MYO7B: variants seen among roughly 807,000 people sequenced by gnomAD.
MYO7B encodes the protein myosin VIIB, also known as unconventional myosin-VIIb.
Under a neutral mutation model 259.7 loss-of-function variants are expected in MYO7B, and 212 were observed. That is an observed-to-expected ratio of 0.82 (90% CI 0.73 to 0.91). MYO7B has a LOEUF of 0.91. Among genes scored for constraint, MYO7B ranks in the 40% least tolerant of loss-of-function variants. MYO7B has a pLI of 0.00. For missense variants in MYO7B, 2,732 were observed against 2,813.5 expected (o/e 0.97, Z 0.66); for synonymous variants, 1,197 against 1,166.4 (o/e 1.03, Z -0.54).
chr2:127,626,766 G>A (rs933908705), intron 31 of MYO7B: 20 of 519,328 alleles, frequency 3.9e-5, no homozygotes, highest in East Asian at 3.1e-4. Flanking sequence ...GTGACAGAGC[G>A]AGACTCTGTC....
Position 127,636,820 on chromosome 2 carries a change from C to T in MYO7B, c.6234C>T (p.Thr2078=), listed in dbSNP as rs1317811967. The change falls in exon 47 of 48, where the codon ACC becomes ACT. Residue 2078 remains threonine, a synonymous_variant. Coordinates refer to ENST00000409816, the MANE Select transcript of MYO7B (RefSeq NM_001393586.1). The surrounding 1 kb of genome is among the most constrained non-coding windows in gnomAD (Gnocchi z 4.5). ...TKDLLTTYPF[T]KISSWSSGST... The stretch of plus-strand genomic sequence containing the variant: ...ACCTGCTCACCACCTATCCCTTCAC[C>T]AAGATCTCCAGCTGGAGCAGCGGCA... 2 of 1,613,708 alleles carry T rather than the reference C, an allele frequency of 1.2e-6. No individual in the cohort carries two copies. Among genetic ancestry groups the T allele is most frequent in the Non-Finnish European group, 1.7e-6 (2 of 1,179,864 alleles).
At chr2:127,595,138 A>G (rs1439943902) in intron 18 of MYO7B, among the ~76,000 whole-genome samples, 1 of 152,160 alleles carries the variant, frequency 6.6e-6, no homozygotes, top group Non-Finnish European at 1.5e-5. Context: ...TTATTGCCTT[A>G]ATTTCAGAAC....
chr2:127,579,415 T>G, intron 9 of MYO7B, among the ~76,000 whole-genome samples: 1 of 152,186 alleles, frequency 6.6e-6, no homozygotes, highest in East Asian at 1.9e-4. Context: ...AAGCTGCAGC[T>G]GGGCTGATCT....
At position 127,607,181 on chromosome 2, in the gene MYO7B, T is replaced by C. The variant is rs1463116033; in HGVS notation, c.2425-25T>C. On this transcript the variant is annotated intron_variant, in intron 20 of 47. Coordinates refer to ENST00000409816, the MANE Select transcript of MYO7B (RefSeq NM_001393586.1). This position sits in a 1 kb window ranked among gnomAD's most constrained non-coding sequence, Gnocchi z 4.4. ...CTGGGGAAGGCCTTCTTGCCCCTGA[T>C]CTCACCTCTCTCTTGCCTCCGCAGA... The C allele has an allele frequency of 1.3e-6, 2 of 1,536,466 alleles. No individual in the cohort carries two copies. The highest frequency in any genetic ancestry group is 1.8e-6 in the Non-Finnish European group (2 of 1,138,222).
intron 19 of MYO7B, among the ~76,000 whole-genome samples, chr2:127,596,806 AG>A (rs1679788081): frequency 6.6e-6 from 1 of 152,272 alleles, no homozygotes; most frequent in African/African-American, 2.4e-5. Flanking sequence ...ATGAAGGGGC[AG>A]CCCCGCTCTC....
At chr2:127,633,464 C>G (rs1172133505) in intron 40 of MYO7B, 101 bp downstream of exon 40, 1 of 1,181,072 alleles carries the variant, frequency 8.5e-7, no homozygotes, top group Non-Finnish European at 1.2e-6. Flanking sequence ...CCCCAGAGAG[C>G]CTTTTCTAGG....
rs1312246072 is a variant in MYO7B at position 127,576,534 on chromosome 2, G to T, written c.736-61G>T. On this transcript the variant is annotated intron_variant, in intron 7 of 47. Coordinates refer to ENST00000409816, the MANE Select transcript of MYO7B (RefSeq NM_001393586.1). This position sits in a 1 kb window ranked among gnomAD's most constrained non-coding sequence, Gnocchi z 4.9. ...CTGGGCTGGGCAGAGGCAGTCTGAG[G>T]CCCTGAGGCCTCAGGGGAATGGCTC... 1 of 1,077,274 alleles carries T rather than the reference G, an allele frequency of 9.3e-7. No homozygotes were observed. Among genetic ancestry groups the T allele is most frequent in the African/African-American group, 1.6e-5 (1 of 63,478 alleles). The allele number at this position is 1,077,274 out of a possible 1,614,324, so 66.7% of individuals were successfully genotyped here.
In MYO7B at chr2:127,631,677, C is replaced by G; in HGVS notation, c.5173C>G (p.Leu1725Val). The stretch of plus-strand genomic sequence containing the variant: ...GGAGCTCACCGACCAGATCTTCACA[C>G]TGGCCCTGCAGCACCCGGCCCTCCA... ...TLELTDQIFT[L>V]ALQHPALQDE... Residue 1725 changes from leucine (L) to valine (V), a missense_variant, in exon 38 of 48, where the codon CTG (leucine) becomes GTG (valine). By Grantham distance (32) the Leu-to-Val change is conservative. Transcript: ENST00000409816. 6.2e-7 allele frequency: 1 copy of G among 1,613,104 alleles called. No homozygotes were observed. Among genetic ancestry groups the G allele is most frequent in the South Asian group, 1.1e-5 (1 of 91,080 alleles).
intron 31 of MYO7B, 50 bp from the exon 32 acceptor site, chr2:127,626,925 T>C (rs1016691552): frequency 1.3e-6 from 2 of 1,502,558 alleles, no homozygotes; most frequent in Non-Finnish European, 1.8e-6. Context: ...AGGTGAGGGA[T>C]TCACTAGGGA....
chr2:127,626,875 C>T, intron 31 of MYO7B, 100 bp from the exon 32 acceptor site: 3 of 1,130,606 alleles, frequency 2.7e-6, no homozygotes, highest in East Asian at 2.6e-5. Context: ...CTTGTAGAGC[C>T]TTCTCAGAAG....
Position 127,596,512 on chromosome 2 carries a change from A to G in MYO7B, c.2295A>G (p.Arg765=), listed in dbSNP as rs781408782. Residue 765 remains arginine (R), a synonymous_variant, in exon 19 of 48, where the codon AGA becomes AGG. Transcript: ENST00000409816. ...LEVQRSQVLD[R]AALSIQKVLR... ...TACAGAGAAGCCAGGTGCTAGACAG[A>G]GCGGCGCTCAGCATCCAGAAAGTCC... 9.9e-6 allele frequency: 16 copies of G among 1,613,568 alleles called. No homozygotes were observed. The highest frequency in any genetic ancestry group is 4.0e-5 in the African/African-American group (3 of 74,920).
chr2:127,608,780 T>C lies in MYO7B; in HGVS notation c.2716T>C (p.Tyr906His). ...CCCTGCCAAGAAGCGCAGATCCATC[T>C]ACGACACCGTCACTGACACGGAGAT... is the stretch of plus-strand genomic sequence containing the variant. ...ALPAKKRRSI[Y>H]DTVTDTEMVE... The change falls in exon 22 of 48, where the codon TAC (tyrosine) becomes CAC (histidine). Residue 906 changes from tyrosine (Y) to histidine (H), a missense_variant. Coordinates refer to ENST00000409816, the MANE Select transcript of MYO7B (RefSeq NM_001393586.1). The C allele has an allele frequency of 6.2e-7, 1 of 1,613,614 alleles. No individual in the cohort carries two copies. Among genetic ancestry groups the C allele is most frequent in the Non-Finnish European group, 8.5e-7 (1 of 1,179,874 alleles).
In MYO7B at chr2:127,581,914, C is replaced by T. The variant is rs1375255305; in HGVS notation, c.1104C>T (p.Asp368=). 1.2e-6 allele frequency: 2 copies of T among 1,613,888 alleles called. No homozygotes were observed. The change falls in exon 11 of 48, where the codon GAC becomes GAT. Residue 368 remains aspartate, a synonymous_variant. Coordinates refer to ENST00000409816, the MANE Select transcript of MYO7B (RefSeq NM_001393586.1). ...LLEVQHQELR[D]CLIKHTILIR... is the part of the protein sequence containing the mutation. Reference sequence around the variant, plus strand: ...AGGTGCAGCACCAGGAGCTCCGGGACTGTCTGATCAAGCACACCATCCTCA... The same window carrying T: ...AGGTGCAGCACCAGGAGCTCCGGGATTGTCTGATCAAGCACACCATCCTCA...
rs1183796729 is a variant in MYO7B at position 127,576,180 on chromosome 2, C to T, written c.736-415C>T. Reference sequence around the variant, plus strand: ...CACCACTGCACTCTAGCTTGGGTGACAGAGCAAGACCTTCTCTCGGAAAAA... The same window carrying T: ...CACCACTGCACTCTAGCTTGGGTGATAGAGCAAGACCTTCTCTCGGAAAAA... On this transcript the variant is annotated intron_variant, in intron 7 of 47. Transcript: ENST00000409816. The surrounding 1 kb of genome is among the most constrained non-coding windows in gnomAD (Gnocchi z 4.9). Among the ~76,000 whole-genome samples the T allele has an allele frequency of 6.6e-6, 1 of 151,254 alleles. No individual in the cohort carries two copies. The highest frequency in any genetic ancestry group is 1.5e-5 in the Non-Finnish European group (1 of 67,880).
Position 127,625,388 on chromosome 2 carries a change from G to A in MYO7B, c.4068G>A (p.Leu1356=). The A allele has an allele frequency of 6.3e-7, 1 of 1,594,980 alleles. No individual in the cohort carries two copies. Among genetic ancestry groups the A allele is most frequent in the South Asian group, 1.1e-5 (1 of 87,926 alleles). The change falls in exon 31 of 48, where the codon CTG becomes CTA. Residue 1356 remains leucine (L), a synonymous_variant. Coordinates refer to ENST00000409816, the MANE Select transcript of MYO7B (RefSeq NM_001393586.1). The stretch of plus-strand genomic sequence containing the variant: ...TGCAGGAGGAAGAGCTGGTTGAGCT[G>A]CTGGCCCGGCACTGCTACGTGCAGC... ...SFEKEEELVE[L]LARHCYVQLG...
chr2:127,542,359 A>G (rs1239257065), intron 1 of MYO7B, among the ~76,000 whole-genome samples: 1 of 152,044 alleles, frequency 6.6e-6, no homozygotes, highest in Admixed American at 6.5e-5. Flanking sequence ...CACCACTGAG[A>G]GTGGGGCTGC....
chr2:127,544,070 C>T (rs1171423297), intron 1 of MYO7B, among the ~76,000 whole-genome samples: 1 of 151,912 alleles, frequency 6.6e-6, no homozygotes, highest in Non-Finnish European at 1.5e-5. Flanking sequence ...CCCAACTGGC[C>T]TTTATTTTTA....
At position 127,578,774 on chromosome 2, in the gene MYO7B, T is replaced by C. The variant is rs923634148; in HGVS notation, c.1003+488T>C. Among the ~76,000 whole-genome samples the C allele has an allele frequency of 6.6e-5, 10 of 151,756 alleles. No individual in the cohort carries two copies. The South Asian group carries it at 1.7e-3, about 25-fold the overall frequency. ...CATCCAGCATGAAGCCAGGAAGAAA[T>C]AGGAACAAGGAAATGAGATACCATG... On this transcript the variant is annotated intron_variant, in intron 9 of 47. Coordinates refer to ENST00000409816, the MANE Select transcript of MYO7B (RefSeq NM_001393586.1).
intron 1 of MYO7B, among the ~76,000 whole-genome samples, chr2:127,558,498 G>A (rs1677920605): frequency 6.6e-6 from 1 of 152,198 alleles, no homozygotes. Context: ...ACTACTGGGT[G>A]TCTACCCAGG....
Sources: gnomAD v4.1 joint callset for allele counts (sites outside exome capture counted in the v4.1 genomes callset) on GRCh38, gnomAD v4.1.1 for gene constraint, Gnocchi (gnomAD v3.1) non-coding constraint, MANE v1.5 for transcripts, NCBI Gene and HGNC (gene_info 2026-07-23, HGNC 2026-07-21) for gene names.